EXT1: variants seen among roughly 807,000 people sequenced by gnomAD.
EXT1 encodes exostosin-1.
A neutral mutation model predicts 82.5 loss-of-function variants in EXT1; 20 were observed. The ratio of observed to expected loss-of-function variants is 0.24; its 90% CI spans 0.17 to 0.35. The LOEUF is 0.35. Ranked by LOEUF, EXT1 falls within the 10% of genes least tolerant of loss-of-function variation. EXT1 has a pLI of 1.00. For synonymous variants in EXT1, 348 were observed against 350.8 expected, an observed-to-expected ratio of 0.99 and a Z score of 0.09; for missense variants, 757 against 936.5, an observed-to-expected ratio of 0.81 and a Z score of 2.50.
At chr8:117,813,893 C>T (rs1007598116) in intron 7 of EXT1, among the ~76,000 whole-genome samples, 2 of 151,958 alleles carry the variant, frequency 1.3e-5, no homozygotes, top group Non-Finnish European at 2.9e-5. Context: ...GTGGTCCTAG[C>T]TACTTGGGAG....
chr8:117,917,531 T>C (rs921115367), intron 1 of EXT1, among the ~76,000 whole-genome samples: 3 of 152,254 alleles, frequency 2.0e-5, no homozygotes, highest in African/African-American at 4.8e-5. Context: ...AATATTTTCA[T>C]TGATAATATG....
chr8:117,903,824 A>G (rs548966030), intron 1 of EXT1, among the ~76,000 whole-genome samples: 1 of 152,338 alleles, frequency 6.6e-6, no homozygotes, highest in Non-Finnish European at 1.5e-5. Flanking sequence ...ATAACTAAAA[A>G]TAATGAATCA....
intron 1 of EXT1, among the ~76,000 whole-genome samples, chr8:118,021,335 G>A (rs1053907392): frequency 3.9e-5 from 6 of 152,144 alleles, no homozygotes; most frequent in African/African-American, 1.4e-4. Context: ...CTTCCAACAT[G>A]AAAATTCTCT....
At chr8:117,905,737 G>A (rs532547745) in intron 1 of EXT1, among the ~76,000 whole-genome samples, 7 of 152,298 alleles carry the variant, frequency 4.6e-5, no homozygotes, top group East Asian at 1.9e-4. Context: ...GCGTGAACCC[G>A]GGAGGCGGAG....
intron 1 of EXT1, among the ~76,000 whole-genome samples, chr8:118,023,728 G>A (rs1261999565): frequency 6.6e-6 from 1 of 152,156 alleles, no homozygotes. Context: ...AAACTAAAAA[G>A]GGAAAAAGCA....
At chr8:117,928,602 T>C (rs1463450889) in intron 1 of EXT1, among the ~76,000 whole-genome samples, 1 of 152,112 alleles carries the variant, frequency 6.6e-6, no homozygotes, top group East Asian at 1.9e-4. Flanking sequence ...ATCACAGCAA[T>C]AACATTTACC....
chr8:117,952,723 T>A (rs765244710), intron 1 of EXT1, among the ~76,000 whole-genome samples: 1 of 151,390 alleles, frequency 6.6e-6, no homozygotes, highest in Admixed American at 6.6e-5. Context: ...ATCATGCCAA[T>A]GCACTCCAGC....
chr8:117,985,152 A>G (rs1815291640), intron 1 of EXT1, among the ~76,000 whole-genome samples: 1 of 152,212 alleles, frequency 6.6e-6, no homozygotes, highest in African/African-American at 2.4e-5. Flanking sequence ...CAAAGGAAGT[A>G]ATAAAAAGAG....
intron 1 of EXT1, among the ~76,000 whole-genome samples, chr8:117,984,105 C>T (rs1395970605): frequency 1.3e-5 from 2 of 152,202 alleles, no homozygotes; most frequent in African/African-American, 2.4e-5. Context: ...AATGACAACC[C>T]AGTGGCAATG....
chr8:117,882,302 CG>C (rs1813074354), intron 1 of EXT1, among the ~76,000 whole-genome samples: 1 of 152,100 alleles, frequency 6.6e-6, no homozygotes, highest in African/African-American at 2.4e-5. Flanking sequence ...AGGCTGGTCT[CG>C]AACTCCTGAC....
At chr8:118,035,715 AC>A (rs1264181486) in intron 1 of EXT1, among the ~76,000 whole-genome samples, 1 of 152,178 alleles carries the variant, frequency 6.6e-6, no homozygotes, top group Non-Finnish European at 1.5e-5. Context: ...TTTCGGAAAC[AC>A]AATTTCTTTC....
At chr8:117,953,221 T>C (rs1021266497) in intron 1 of EXT1, among the ~76,000 whole-genome samples, 3 of 151,904 alleles carry the variant, frequency 2.0e-5, no homozygotes, top group African/African-American at 7.3e-5. Flanking sequence ...GTTAGATAGA[T>C]AGATATACAT....
In EXT1 at chr8:117,812,956, C is replaced by T. The variant is rs1322784502; in HGVS notation, c.1638G>A (p.Met546Ile). The change falls in exon 8 of 11, where the codon ATG becomes ATA. Residue 546 changes from methionine to isoleucine, a missense_variant. Physicochemically the swap from Met to Ile is conservative, Grantham distance 10. This residue lies in a region of EXT1 where 207 missense variants were observed against 224.2 expected (regional missense o/e 0.92). Coordinates refer to ENST00000378204, the MANE Select transcript of EXT1 (RefSeq NM_000127.3). The stretch of plus-strand genomic sequence containing the variant: ...TGTCGTAGGGCAGAAAACGGCTGCT[C>T]ATAACCTGGGAGGAAGTAGAAGTAG... ...VVVIEGESKV[M>I]SSRFLPYDNI... 1.2e-6 allele frequency: 2 copies of T among 1,613,534 alleles called. No individual in the cohort carries two copies. The highest frequency in any genetic ancestry group is 1.7e-6 in the Non-Finnish European group (2 of 1,179,808).
intron 1 of EXT1, among the ~76,000 whole-genome samples, chr8:118,004,786 AAC>A (rs1202326436): frequency 7.6e-4 from 115 of 152,296 alleles, no homozygotes; most frequent in African/African-American, 2.6e-3. Flanking sequence ...GTAATATGCA[AAC>A]TGCGTTATTG....
intron 1 of EXT1, among the ~76,000 whole-genome samples, chr8:117,980,063 AAGTGTGTTACTAAT>A (rs1319819086): frequency 7.9e-5 from 12 of 152,262 alleles, no homozygotes; most frequent in Non-Finnish European, 1.2e-4. Context: ...AGATAGCTAG[AAGTGTGTTACTAAT>A]TCAGAGAGGG....
In EXT1 at chr8:118,074,456, G is replaced by C. The variant is rs1026751872; in HGVS notation, c.962+35629C>G. ...CCGTCTGTCCGGGCTGCTGAGCTGT[G>C]GTGCAGGCAGAGGGCGCGGAGGCCC... On this transcript the variant is annotated intron_variant, in intron 1 of 10. Coordinates refer to ENST00000378204, the MANE Select transcript of EXT1 (RefSeq NM_000127.3). Among the ~76,000 whole-genome samples, 2 of 152,226 alleles carry C rather than the reference G, an allele frequency of 1.3e-5. 1 individual carries two copies. Among genetic ancestry groups the C allele is most frequent in the Non-Finnish European group, 2.9e-5 (2 of 68,042 alleles).
At chr8:118,032,771 A>G (rs1586354099) in intron 1 of EXT1, among the ~76,000 whole-genome samples, 1 of 152,168 alleles carries the variant, frequency 6.6e-6, no homozygotes, top group African/African-American at 2.4e-5. Context: ...CAGCCTCCCA[A>G]AATGCTGGGA....
intron 1 of EXT1, among the ~76,000 whole-genome samples, chr8:117,891,995 C>T (rs974382346): frequency 1.3e-4 from 19 of 151,684 alleles, no homozygotes; most frequent in South Asian, 8.3e-4. Flanking sequence ...TTAGTAGAGG[C>T]GGGGTTTCAC....
intron 1 of EXT1, among the ~76,000 whole-genome samples, chr8:118,093,267 G>GC (rs1817553827): frequency 1.2e-4 from 2 of 16,824 alleles, no homozygotes; most frequent in African/African-American, 2.0e-4. Context: ...AAAATTCCCA[G>GC]CAAAAAAAAA....
Sources: gnomAD v4.1 joint callset for allele counts (sites outside exome capture counted in the v4.1 genomes callset) on GRCh38, gnomAD v4.1.1 for gene constraint, gnomAD v4.1.1 regional missense constraint, MANE v1.5 for transcripts, NCBI Gene and HGNC (gene_info 2026-07-23, HGNC 2026-07-21) for gene names.